VPS13B: variants seen among roughly 807,000 people sequenced by gnomAD.
VPS13B encodes intermembrane lipid transfer protein VPS13B.
A neutral mutation model predicts 426.4 loss-of-function variants in VPS13B; 285 were observed. The ratio of observed to expected loss-of-function variants is 0.67; its 90% CI spans 0.61 to 0.74. VPS13B has a LOEUF of 0.74. VPS13B is among the 30% of genes least tolerant of loss of function. The pLI, the probability that VPS13B is intolerant of heterozygous loss-of-function variation, is 0.00. For synonymous variants in VPS13B, 1,676 were observed against 1,676.4 expected, an observed-to-expected ratio of 1.00 and a Z score of 0.01; for missense variants, 4,537 against 4,782.6, an observed-to-expected ratio of 0.95 and a Z score of 1.51.
chr8:99,591,223 A>G (rs1377749453), intron 33 of VPS13B, among the ~76,000 whole-genome samples: 1 of 57,468 alleles, frequency 1.7e-5, no homozygotes, highest in African/African-American at 7.2e-5. Flanking sequence ...CCATCCCTTT[A>G]TTTTGAGTCT....
intron 22 of VPS13B, among the ~76,000 whole-genome samples, chr8:99,441,922 T>C (rs1817698386): frequency 6.6e-6 from 1 of 152,146 alleles, no homozygotes; most frequent in East Asian, 1.9e-4. Context: ...TCTTTAATGG[T>C]TGTCTAGTGT....
intron 24 of VPS13B, among the ~76,000 whole-genome samples, chr8:99,480,877 A>G (rs992115168): frequency 6.6e-6 from 1 of 152,118 alleles, no homozygotes; most frequent in Admixed American, 6.5e-5. Context: ...TTGCTTACAT[A>G]TTGTGCTTGC....
intron 19 of VPS13B, among the ~76,000 whole-genome samples, chr8:99,281,095 T>G (rs1819146785): frequency 6.6e-6 from 1 of 152,192 alleles, no homozygotes; most frequent in Non-Finnish European, 1.5e-5. Context: ...CTCTTCCAAC[T>G]CAGATCATCA....
At chr8:99,820,672 T>G (rs17331148) in intron 49 of VPS13B, among the ~76,000 whole-genome samples, 6,477 of 151,830 alleles carry the variant, frequency 0.043, 160 homozygotes, top group African/African-American at 0.06. Context: ...CGCAGGAAAA[T>G]TTTATATTTC....
chr8:99,657,695 T>C (rs1830073688), intron 34 of VPS13B, among the ~76,000 whole-genome samples: 1 of 152,192 alleles, frequency 6.6e-6, no homozygotes, highest in Non-Finnish European at 1.5e-5. Flanking sequence ...GATAGATATT[T>C]AGTTTAAATT....
chr8:99,501,935 C>T, intron 26 of VPS13B, 77 bp downstream of exon 26: 2 of 1,372,700 alleles, frequency 1.5e-6, no homozygotes, highest in South Asian at 2.5e-5. Flanking sequence ...TCCCTTCCTT[C>T]CTTCCTTTCT....
chr8:99,222,347 C>T (rs549229873), intron 17 of VPS13B, among the ~76,000 whole-genome samples: 1 of 152,222 alleles, frequency 6.6e-6, no homozygotes, highest in South Asian at 2.1e-4. Context: ...AGGCATCTTA[C>T]TTAGATTCTT....
chr8:99,250,765 A>G (rs1817465077), intron 17 of VPS13B, among the ~76,000 whole-genome samples: 1 of 135,132 alleles, frequency 7.4e-6, no homozygotes, highest in Non-Finnish European at 1.5e-5. Flanking sequence ...GCTCATTGTA[A>G]GCTCAAACTC....
chr8:99,236,325 C>T (rs1422983926), intron 17 of VPS13B, among the ~76,000 whole-genome samples: 1 of 152,004 alleles, frequency 6.6e-6, no homozygotes, highest in East Asian at 1.9e-4. Context: ...TCTCAGCTCA[C>T]TGCAACCTCC....
At position 99,163,532 on chromosome 8, in the gene VPS13B, G is replaced by A. The variant is rs546051008; in HGVS notation, c.2209-6507G>A. On this transcript the variant is annotated intron_variant, in intron 15 of 61. Transcript: ENST00000357162. ...TCAGGCATGGCAGGCTGCAGGTCCCGAGCCCTGCCCCGTGGGAAGGCAGCT... is the reference window on the plus strand; with the variant it reads ...TCAGGCATGGCAGGCTGCAGGTCCCAAGCCCTGCCCCGTGGGAAGGCAGCT... Among the ~76,000 whole-genome samples, 962 of 152,338 alleles carry A rather than the reference G, an allele frequency of 6.3e-3. 8 individuals carry two copies. Among genetic ancestry groups the A allele is most frequent in the African/African-American group, 0.022 (901 of 41,578 alleles).
chr8:99,665,001 A>C (rs1386004430), intron 35 of VPS13B, among the ~76,000 whole-genome samples: 3 of 152,132 alleles, frequency 2.0e-5, no homozygotes, highest in African/African-American at 7.2e-5. Context: ...CTTTTTAATG[A>C]TCACCATTCT....
chr8:99,027,348 C>T (rs1842194011), intron 2 of VPS13B, among the ~76,000 whole-genome samples: 1 of 151,052 alleles, frequency 6.6e-6, no homozygotes, highest in South Asian at 2.1e-4. Context: ...ATCCATTCTT[C>T]CTTCCTTACT....
At chr8:99,623,119 A>T (rs1245836098) in intron 33 of VPS13B, among the ~76,000 whole-genome samples, 1 of 152,074 alleles carries the variant, frequency 6.6e-6, no homozygotes, top group Non-Finnish European at 1.5e-5. Context: ...GCCCTATGAG[A>T]TCTAACCCCT....
chr8:99,396,414 A>T (rs1195794462), intron 21 of VPS13B, among the ~76,000 whole-genome samples: 1 of 152,168 alleles, frequency 6.6e-6, no homozygotes, highest in Non-Finnish European at 1.5e-5. Flanking sequence ...CAAGCAACTT[A>T]TCCGAGGTTA....
rs755074579 is a variant in VPS13B at position 99,821,103 on chromosome 8, AAC to A, written c.8995-128_8995-127del. Among the ~76,000 whole-genome samples, 11,547 of 77,676 alleles carry A rather than the reference AAC, an allele frequency of 0.15. 760 individuals carry two copies. Among genetic ancestry groups the A allele is most frequent in the Non-Finnish European group, 0.16 (6,604 of 41,008 alleles). The allele number at this position is 77,676 out of a possible 152,430, so 51.0% of individuals were successfully genotyped here. A position where few individuals can be genotyped will look rare whatever the true frequency, so the allele number is the denominator to read the frequency against. ...AATAGAATGTACGTTGTCATTACAAAACACACACACACACACACACACACACA... is the reference window on the plus strand; with the variant it reads ...AATAGAATGTACGTTGTCATTACAAAACACACACACACACACACACACACA... On this transcript the variant is annotated intron_variant, in intron 49 of 61. Transcript: ENST00000357162.
chr8:99,748,579 T>A (rs1403021471), intron 39 of VPS13B, among the ~76,000 whole-genome samples: 3 of 152,100 alleles, frequency 2.0e-5, no homozygotes, highest in African/African-American at 4.8e-5. Flanking sequence ...TGTCATTATT[T>A]CAAGCAAATT....
At chr8:99,063,718 G>A (rs1215581595) in intron 3 of VPS13B, among the ~76,000 whole-genome samples, 2 of 152,174 alleles carry the variant, frequency 1.3e-5, no homozygotes, top group Admixed American at 6.5e-5. Context: ...AGAGAGGAGT[G>A]GTTTTCCCAG....
At chr8:99,354,398 A>C (rs1158509957) in intron 19 of VPS13B, among the ~76,000 whole-genome samples, 1 of 148,488 alleles carries the variant, frequency 6.7e-6, no homozygotes, top group Non-Finnish European at 1.5e-5. Context: ...TTGCTGTTTC[A>C]TCAGATTCCT....
At chr8:99,095,712 A>T (rs1444343691) in intron 3 of VPS13B, among the ~76,000 whole-genome samples, 1 of 152,212 alleles carries the variant, frequency 6.6e-6, no homozygotes, top group Non-Finnish European at 1.5e-5. Flanking sequence ...ATTTGCAGTT[A>T]TAAATACAGG....
Sources: allele counts gnomAD v4.1 joint callset (sites outside exome capture counted in the v4.1 genomes callset), GRCh38; gene constraint gnomAD v4.1.1; transcripts MANE v1.5; gene names NCBI Gene and HGNC (gene_info 2026-07-23, HGNC 2026-07-21).